The following ADK variants were observed in gnomAD, a reference collection of about 807,000 sequenced individuals.
ADK encodes the protein adenosine kinase, also known as N6,N6-dimethyladenosine kinase.
In ADK, 24 loss-of-function variants were observed where a neutral mutation model predicts 44.7. That is an observed-to-expected ratio of 0.54 (90% CI 0.39 to 0.76). The LOEUF is 0.76. Among genes scored for constraint, ADK ranks in the 30% least tolerant of loss-of-function variants. ADK has a pLI of 0.00. For synonymous variants in ADK, 128 were observed against 142.6 expected (o/e 0.90, Z 0.73); for missense variants, 321 against 425.1 (o/e 0.76, Z 2.15).
chr10:74,320,626 G>A (rs910743584), intron 4 of ADK, among the ~76,000 whole-genome samples: 2 of 151,646 alleles, frequency 1.3e-5, no homozygotes, highest in African/African-American at 4.9e-5. Flanking sequence ...GTTGGTCTGT[G>A]GTGATTGTTT....
intron 3 of ADK, among the ~76,000 whole-genome samples, chr10:74,283,684 C>CTTTTTTTTTTTTTTTTTTT (rs774619771): frequency 1.0e-5 from 1 of 95,606 alleles, no homozygotes; most frequent in Non-Finnish European, 2.2e-5. Context: ...TTCTTTCTTT[C>CTTTTTTTTTTTTTTTTTTT]TTTTTTTTTT....
At chr10:74,633,157 C>T (rs756503315) in intron 9 of ADK, among the ~76,000 whole-genome samples, 15 of 152,114 alleles carry the variant, frequency 9.9e-5, no homozygotes, top group Non-Finnish European at 1.6e-4. Context: ...GTATTATATT[C>T]ACACAGTATG....
chr10:74,437,774 G>A (rs1448365259), intron 6 of ADK, among the ~76,000 whole-genome samples: 1 of 152,134 alleles, frequency 6.6e-6, no homozygotes, highest in African/African-American at 2.4e-5. Context: ...GGCTGCCAAT[G>A]ATTGCTCATA....
intron 4 of ADK, among the ~76,000 whole-genome samples, chr10:74,377,556 G>T (rs1842853138): frequency 6.6e-6 from 1 of 152,132 alleles, no homozygotes; most frequent in South Asian, 2.1e-4. Context: ...GGACTCAAAG[G>T]TGCTTTGTGC....
intron 9 of ADK, chr10:74,655,618 G>T: frequency 2.2e-6 from 1 of 447,788 alleles, no homozygotes; most frequent in Non-Finnish European, 4.4e-6. Context: ...TACAAGATGA[G>T]GAGGAGGCCA....
At chr10:74,207,789 C>T (rs1485122714) in intron 2 of ADK, among the ~76,000 whole-genome samples, 1 of 152,210 alleles carries the variant, frequency 6.6e-6, no homozygotes, top group Non-Finnish European at 1.5e-5. Context: ...GCCTGGCCCC[C>T]ATGCTTCAGG....
chr10:74,195,148 T>C lies in ADK; in HGVS notation c.66-5616T>C, dbSNP rs563425129. Among the ~76,000 whole-genome samples, 86 of 151,886 alleles carry C rather than the reference T, an allele frequency of 5.7e-4. No homozygotes were observed. In the South Asian group the frequency reaches 6.8e-3, roughly 12 times the overall value. On this transcript the variant is annotated intron_variant, in intron 1 of 10. Transcript: ENST00000539909. ...TAGCATCCATTCCAAGAAAAAGATA[T>C]TGCTAACATTTGGAATAAAAAGTAA...
intron 6 of ADK, among the ~76,000 whole-genome samples, chr10:74,468,887 T>C (rs370392498): frequency 7.9e-5 from 12 of 152,150 alleles, no homozygotes; most frequent in African/African-American, 2.9e-4. Context: ...TATTAAAATA[T>C]CATCTCAGTA....
intron 3 of ADK, among the ~76,000 whole-genome samples, chr10:74,273,396 T>A (rs10824137): frequency 6.6e-6 from 1 of 151,814 alleles, no homozygotes; most frequent in Non-Finnish European, 1.5e-5. Context: ...TTGTTGGGCC[T>A]GAATTGCAAT....
intron 7 of ADK, among the ~76,000 whole-genome samples, chr10:74,554,925 T>G (rs1164252461): frequency 6.6e-6 from 1 of 152,250 alleles, no homozygotes; most frequent in Non-Finnish European, 1.5e-5. Flanking sequence ...ATAGTCTTTG[T>G]GGTAAGCAAT....
At chr10:74,171,349 A>G (rs1564570613) in intron 1 of ADK, among the ~76,000 whole-genome samples, 1 of 152,232 alleles carries the variant, frequency 6.6e-6, no homozygotes. Flanking sequence ...CATTAATTTT[A>G]TATGAGAGTG....
At chr10:74,475,866 A>G (rs1846816852) in intron 6 of ADK, among the ~76,000 whole-genome samples, 1 of 152,086 alleles carries the variant, frequency 6.6e-6, no homozygotes, top group East Asian at 1.9e-4. Flanking sequence ...GTGTTTCAAA[A>G]CCAGCATCTG....
At chr10:74,663,143 A>G (rs1295266407) in intron 9 of ADK, among the ~76,000 whole-genome samples, 2 of 151,832 alleles carry the variant, frequency 1.3e-5, no homozygotes, top group Non-Finnish European at 2.9e-5. Context: ...GCTGAGGCAC[A>G]AGAATAGCCT....
At chr10:74,518,024 G>A (rs558607251) in intron 6 of ADK, among the ~76,000 whole-genome samples, 7 of 152,220 alleles carry the variant, frequency 4.6e-5, no homozygotes, top group South Asian at 2.1e-4. Context: ...ATATTTGATC[G>A]ACTCTGAGAA....
At chr10:74,565,392 T>C (rs79228508) in intron 7 of ADK, among the ~76,000 whole-genome samples, 1,542 of 152,322 alleles carry the variant, frequency 0.01, 27 homozygotes, top group African/African-American at 0.034. Flanking sequence ...ATGATACTTA[T>C]GATTTTTAAA....
intron 9 of ADK, among the ~76,000 whole-genome samples, chr10:74,627,014 A>G (rs960348473): frequency 1.3e-5 from 2 of 152,226 alleles, no homozygotes; most frequent in African/African-American, 4.8e-5. Context: ...TCATTACATG[A>G]TTACTATGAA....
intron 2 of ADK, among the ~76,000 whole-genome samples, chr10:74,217,212 A>G (rs1306965439): frequency 6.6e-6 from 1 of 152,186 alleles, no homozygotes; most frequent in Non-Finnish European, 1.5e-5. Context: ...ACACCAGGAG[A>G]TTATATCCTG....
intron 2 of ADK, among the ~76,000 whole-genome samples, chr10:74,223,966 G>A (rs898438813): frequency 1.3e-5 from 2 of 152,106 alleles, no homozygotes; most frequent in African/African-American, 4.8e-5. Context: ...GTGCGTGCCT[G>A]TAATCCCAGC....
chr10:74,467,611 ATCTTT>A (rs1846409987), intron 6 of ADK, among the ~76,000 whole-genome samples: 1 of 152,108 alleles, frequency 6.6e-6, no homozygotes, highest in African/African-American at 2.4e-5. Flanking sequence ...ATGAAATGAA[ATCTTT>A]TCTTTTTTAT....
Sources: allele counts gnomAD v4.1 joint callset (sites outside exome capture counted in the v4.1 genomes callset), GRCh38; gene constraint gnomAD v4.1.1; transcripts MANE v1.5; gene names NCBI Gene and HGNC (gene_info 2026-07-23, HGNC 2026-07-21).